GOLGA6L4: variants seen among roughly 807,000 people sequenced by gnomAD.
The protein encoded by GOLGA6L4 is golgin subfamily A member 6-like protein 4.
GOLGA6L4 carries 1 observed loss-of-function variant against 17.6 expected under a neutral mutation model. The ratio of observed to expected loss-of-function variants is 0.06; its 90% confidence interval spans 0.02 to 0.27. The LOEUF (loss-of-function observed/expected upper bound fraction) is 0.27, where lower values mean the gene tolerates loss of function less well. Ranked by LOEUF, GOLGA6L4 falls within the 10% of genes least tolerant of loss-of-function variation. The pLI is 1.00. For synonymous variants in GOLGA6L4, 1 was observed against 73.2 expected, an observed-to-expected ratio of 0.01 and a Z score of 5.04; for missense variants, 14 against 172.2, an observed-to-expected ratio of 0.08 and a Z score of 5.14.
At position 84,240,681 on chromosome 15, in the gene GOLGA6L4, C is replaced by G; in HGVS notation, c.1327C>G (p.Arg443Gly). The G allele has an allele frequency of 3.4e-6, 3 of 872,780 alleles. No individual in the cohort carries two copies. Among genetic ancestry groups the G allele is most frequent in the African/African-American group, 1.8e-5 (1 of 55,820 alleles). The allele number at this position is 872,780 out of a possible 1,614,324, so 54.1% of individuals were successfully genotyped here. A position where few individuals can be genotyped will look rare whatever the true frequency, so the allele number is the denominator to read the frequency against. ...GACTCTGCAGGAGCTGGAGAGGCTG[C>G]GGGAGCTGGAGAGGCTGCGGGAGCT... is the stretch of plus-strand genomic sequence containing the variant. ...QETLQELERL[R>G]ELERLRELER... Residue 443 changes from arginine (R) to glycine (G), a missense_variant, in exon 6 of 9, where the codon CGG becomes GGG. Transcript: ENST00000510439.
rs2069674863 is a variant in GOLGA6L4 at position 84,243,449 on chromosome 15, C to CT, written c.*863dup. The CT allele has an allele frequency of 1.7e-5, 1 of 58,314 alleles. No homozygotes were observed. Among genetic ancestry groups the CT allele is most frequent in the Non-Finnish European group, 4.5e-5 (1 of 22,176 alleles). The allele number at this position is 58,314 out of a possible 1,614,324, so 3.6% of individuals were successfully genotyped here. Reference sequence around the variant, plus strand: ...CCTCATGAGCTGTGGCAGTTGTACTCTTTTTTGATGACCTGAAAAGGGATT... The same window carrying CT: ...CCTCATGAGCTGTGGCAGTTGTACTCTTTTTTTGATGACCTGAAAAGGGATT... On this transcript the variant is annotated 3_prime_UTR_variant, in exon 9 of 9. Transcript: ENST00000510439.
At position 84,245,071 on chromosome 15, in the gene GOLGA6L4, CA is replaced by C. The variant is rs1488385340; in HGVS notation, c.*2484del. ...TTACAGTCACTTTCAAATAACTATT[CA>C]AAAATGTAACTGCTATATTAACGTC... On this transcript the variant is annotated 3_prime_UTR_variant, in exon 9 of 9. Transcript: ENST00000510439. 2.4e-5 allele frequency: 1 copy of C among 41,818 alleles called. No individual in the cohort carries two copies. Among genetic ancestry groups the C allele is most frequent in the Non-Finnish European group, 6.0e-5 (1 of 16,590 alleles). 2.6% of individuals were successfully genotyped at this position (41,818 alleles called of 1,614,324 possible). A position where few individuals can be genotyped will look rare whatever the true frequency, so the allele number is the denominator to read the frequency against.
At position 84,240,198 on chromosome 15, in the gene GOLGA6L4, G is replaced by T. The variant is rs1267453312; in HGVS notation, c.844G>T (p.Glu282Ter). 1.7e-6 allele frequency: 1 copy of T among 604,550 alleles called. No individual in the cohort carries two copies. Among genetic ancestry groups the T allele is most frequent in the Admixed American group, 3.1e-5 (1 of 31,878 alleles). 37.4% of individuals were successfully genotyped at this position (604,550 alleles called of 1,614,324 possible). A position where few individuals can be genotyped will look rare whatever the true frequency, so the allele number is the denominator to read the frequency against. ...HEQEERLREQ[E>*]ERLCEQEERL... ...ACAGGAGGAGAGGCTACGTGAACAG[G>T]AGGAGAGGCTGTGTGAACAGGAGGA... is the stretch of plus-strand genomic sequence containing the variant. Residue 282 changes from glutamate (E) to a stop codon, truncating the protein, a stop_gained, in exon 6 of 9, where the codon GAG (glutamate) becomes TAG (stop). Transcript: ENST00000510439. LOFTEE classifies it high-confidence loss of function.
chr15:84,245,114 CA>C lies in GOLGA6L4; in HGVS notation c.*2523del, dbSNP rs2069687677. On this transcript the variant is annotated 3_prime_UTR_variant, in exon 9 of 9. Transcript: ENST00000510439. ...ATTAACGTCTTAAAATAATTTAAAACATTTTAAAATATGAATACTGTAGTTT... is the reference window on the plus strand; with the variant it reads ...ATTAACGTCTTAAAATAATTTAAAACTTTTAAAATATGAATACTGTAGTTT... 1 of 52,266 alleles carries C rather than the reference CA, an allele frequency of 1.9e-5. No homozygotes were observed. The highest frequency in any genetic ancestry group is 4.7e-5 in the Non-Finnish European group (1 of 21,174). The allele number at this position is 52,266 out of a possible 1,614,324, so 3.2% of individuals were successfully genotyped here.
chr15:84,240,623 T>C lies in GOLGA6L4; in HGVS notation c.1269T>C (p.Leu423=). 1 of 906,308 alleles carries C rather than the reference T, an allele frequency of 1.1e-6. No individual in the cohort carries two copies. The allele number at this position is 906,308 out of a possible 1,614,324, so 56.1% of individuals were successfully genotyped here. ...EVEELLEQER[L]RQQDERLWQQ... ...AGGAGCTCCTGGAGCAGGAGAGGCTTCGGCAACAGGATGAGAGGCTGTGGC... is the reference window on the plus strand; with the variant it reads ...AGGAGCTCCTGGAGCAGGAGAGGCTCCGGCAACAGGATGAGAGGCTGTGGC... The change falls in exon 6 of 9, where the codon CTT becomes CTC. Residue 423 remains leucine, a synonymous_variant. Coordinates refer to ENST00000510439, the MANE Select transcript of GOLGA6L4 (RefSeq NM_001267536.3).
Position 84,235,937 on chromosome 15 carries a change from T to C in GOLGA6L4, c.84+19T>C. On this transcript the variant is annotated intron_variant, in intron 1 of 8. Coordinates refer to ENST00000510439, the MANE Select transcript of GOLGA6L4 (RefSeq NM_001267536.3). Reference sequence around the variant, plus strand: ...GAAAAAGGTAAAACACACCAGGTCATGGCCCCCAACCCAGCCACAGATCCC... The same window carrying C: ...GAAAAAGGTAAAACACACCAGGTCACGGCCCCCAACCCAGCCACAGATCCC... The C allele has an allele frequency of 3.3e-6, 1 of 299,444 alleles. No homozygotes were observed. The highest frequency in any genetic ancestry group is 1.4e-3 in the Middle Eastern group (1 of 694). 18.5% of individuals were successfully genotyped at this position (299,444 alleles called of 1,614,324 possible).
chr15:84,244,215 C>T lies in GOLGA6L4; in HGVS notation c.*1623C>T, dbSNP rs1292877537. 35 of 86,500 alleles carry T rather than the reference C, an allele frequency of 4.0e-4. No homozygotes were observed. Among genetic ancestry groups the T allele is most frequent in the African/African-American group, 1.4e-3 (32 of 23,600 alleles). 5.4% of individuals were successfully genotyped at this position (86,500 alleles called of 1,614,324 possible). On this transcript the variant is annotated 3_prime_UTR_variant, in exon 9 of 9. Transcript: ENST00000510439. ...CTTAAAATGGACTAAAGGTCCTGTT[C>T]TTGCCTTGTCTGAACTTGCCGCTTT...
At chr15:84,240,844 ACCTGT>A (rs2069647004) in intron 6 of GOLGA6L4, 62 bp downstream of exon 6, 1 of 420,254 alleles carries the variant, frequency 2.4e-6, no homozygotes, top group Non-Finnish European at 4.4e-6. Context: ...TTGTTTCCCC[ACCTGT>A]AAAATGGGGC....
chr15:84,240,810 C>CT, intron 6 of GOLGA6L4, 28 bp downstream of exon 6: 1 of 412,022 alleles, frequency 2.4e-6, no homozygotes, highest in South Asian at 2.1e-5. Flanking sequence ...GGGAGGCTGC[C>CT]CTCTTCCCTA....
rs749880221 is a variant in GOLGA6L4 at position 84,240,666 on chromosome 15, G to C, written c.1312G>C (p.Glu438Gln). 5.7e-6 allele frequency: 5 copies of C among 884,042 alleles called. 1 individual carries two copies. The South Asian group carries it at 7.3e-5, about 13-fold the overall frequency. The allele number at this position is 884,042 out of a possible 1,614,324, so 54.8% of individuals were successfully genotyped here. ...ERLWQQETLQ[E>Q]LERLRELERL... Reference sequence around the variant, plus strand: ...GCTGTGGCAGCAGGAGACTCTGCAGGAGCTGGAGAGGCTGCGGGAGCTGGA... The same window carrying C: ...GCTGTGGCAGCAGGAGACTCTGCAGCAGCTGGAGAGGCTGCGGGAGCTGGA... Residue 438 changes from glutamate (E) to glutamine (Q), a missense_variant, in exon 6 of 9, where the codon GAG becomes CAG. Transcript: ENST00000510439.
At position 84,240,659 on chromosome 15, in the gene GOLGA6L4, T is replaced by TCTACAGGAGCTGGAGAGG; in HGVS notation, c.1307_1308insACAGGAGCTGGAGAGGCT (p.Gln437_Leu442dup). 1.1e-6 allele frequency: 1 copy of TCTACAGGAGCTGGAGAGG among 870,484 alleles called. No individual in the cohort carries two copies. The allele number at this position is 870,484 out of a possible 1,614,324, so 53.9% of individuals were successfully genotyped here. On this transcript the variant is annotated inframe_insertion, in exon 6 of 9. Coordinates refer to ENST00000510439, the MANE Select transcript of GOLGA6L4 (RefSeq NM_001267536.3). ...ATGAGAGGCTGTGGCAGCAGGAGAC[T>TCTACAGGAGCTGGAGAGG]CTGCAGGAGCTGGAGAGGCTGCGGG...
chr15:84,240,216 CAGG>C lies in GOLGA6L4; in HGVS notation c.868_870del (p.Glu290del), dbSNP rs2069629553. 1 of 602,718 alleles carries C rather than the reference CAGG, an allele frequency of 1.7e-6. No individual in the cohort carries two copies. Among genetic ancestry groups the C allele is most frequent in the Non-Finnish European group, 2.9e-6 (1 of 347,390 alleles). The allele number at this position is 602,718 out of a possible 1,614,324, so 37.3% of individuals were successfully genotyped here. A position where few individuals can be genotyped will look rare whatever the true frequency, so the allele number is the denominator to read the frequency against. ...TGAACAGGAGGAGAGGCTGTGTGAA[CAGG>C]AGGAGAGGCTACGTGAACAGGAGGA... On this transcript the variant is annotated inframe_deletion, in exon 6 of 9. Transcript: ENST00000510439.
chr15:84,239,964 CAGG>C lies in GOLGA6L4; in HGVS notation c.616_618del (p.Glu206del). The stretch of plus-strand genomic sequence containing the variant: ...GAGACAGGAGGAGAGGCTACGTGAA[CAGG>C]AGGAGAGGCTACGTGAACAGGAGGA... On this transcript the variant is annotated inframe_deletion, in exon 6 of 9. Transcript: ENST00000510439. 1 of 599,448 alleles carries C rather than the reference CAGG, an allele frequency of 1.7e-6. No homozygotes were observed. Among genetic ancestry groups the C allele is most frequent in the South Asian group, 2.1e-5 (1 of 47,512 alleles). 37.1% of individuals were successfully genotyped at this position (599,448 alleles called of 1,614,324 possible).
Position 84,239,336 on chromosome 15 carries a change from GAGA to G in GOLGA6L4, c.370_372del (p.Lys124del). ...TGGGCAGGTTCGCACATCTAAGGAG[GAGA>G]AGAAGCATGAGATACATCTGGTACA... On this transcript the variant is annotated inframe_deletion, in exon 5 of 9. Coordinates refer to ENST00000510439, the MANE Select transcript of GOLGA6L4 (RefSeq NM_001267536.3). 1 of 528,186 alleles carries G rather than the reference GAGA, an allele frequency of 1.9e-6. No homozygotes were observed. The highest frequency in any genetic ancestry group is 3.3e-6 in the Non-Finnish European group (1 of 300,098). 32.7% of individuals were successfully genotyped at this position (528,186 alleles called of 1,614,324 possible).
chr15:84,245,020 CATA>C lies in GOLGA6L4; in HGVS notation c.*2432_*2434del, dbSNP rs2069686933. On this transcript the variant is annotated 3_prime_UTR_variant, in exon 9 of 9. Coordinates refer to ENST00000510439, the MANE Select transcript of GOLGA6L4 (RefSeq NM_001267536.3). ...TGTGAAAATGTAAATCAACCCTATC[CATA>C]ATAGATTCTCTAAAACTTTATCTTA... 1 of 24,338 alleles carries C rather than the reference CATA, an allele frequency of 4.1e-5. No homozygotes were observed. The highest frequency in any genetic ancestry group is 1.2e-4 in the Non-Finnish European group (1 of 8,658). The allele number at this position is 24,338 out of a possible 1,614,324, so 1.5% of individuals were successfully genotyped here. A position where few individuals can be genotyped will look rare whatever the true frequency, so the allele number is the denominator to read the frequency against.
At chr15:84,241,320 A>ACAT (rs3984800) in intron 7 of GOLGA6L4, 1 of 1,710 alleles carries the variant, frequency 5.8e-4, no homozygotes, top group Non-Finnish European at 1.5e-3. Context: ...CCAGGTCTGG[A>ACAT]CATCATCATC....
At chr15:84,239,262 C>T in intron 4 of GOLGA6L4, 56 bp from the exon 5 acceptor site, 2 of 436,392 alleles carry the variant, frequency 4.6e-6, no homozygotes, top group Non-Finnish European at 4.4e-6. Context: ...AACTCTGTCT[C>T]TGGAGGTTCA....
Position 84,240,744 on chromosome 15 carries a change from G to C in GOLGA6L4, c.1390G>C (p.Glu464Gln). The C allele has an allele frequency of 1.4e-6, 1 of 722,612 alleles. No homozygotes were observed. Among genetic ancestry groups the C allele is most frequent in the Non-Finnish European group, 2.2e-6 (1 of 462,882 alleles). 44.8% of individuals were successfully genotyped at this position (722,612 alleles called of 1,614,324 possible). The change falls in exon 6 of 9, where the codon GAG becomes CAG. Residue 464 changes from glutamate (E) to glutamine (Q), a missense_variant. Glu to Gln is a conservative substitution (Grantham distance 29). Transcript: ENST00000510439. ...GGAGCTGGGGTGGGAAGCCCTGTAC[G>C]AGCAGCGGGCCGAGCCACGCAGCGG... ...MLELGWEALY[E>Q]QRAEPRSGFE...
rs1361065433 is a variant in GOLGA6L4, at chr15:84,239,372, GGGA to G, written c.405_407del (p.Arg135del). 16 of 582,846 alleles carry G rather than the reference GGGA, an allele frequency of 2.7e-5. No homozygotes were observed. In the South Asian group the frequency reaches 2.8e-4, roughly 10 times the overall value. The allele number at this position is 582,846 out of a possible 1,614,324, so 36.1% of individuals were successfully genotyped here. A position where few individuals can be genotyped will look rare whatever the true frequency, so the allele number is the denominator to read the frequency against. On this transcript the variant is annotated inframe_deletion, in exon 5 of 9. Transcript: ENST00000510439. ...TGAGATACATCTGGTACAGAAGCTT[GGGA>G]GGAGCTTGTTCAAACTCAAAAACCA... is the stretch of plus-strand genomic sequence containing the variant.
Sources: gnomAD v4.1 joint callset for allele counts on GRCh38, gnomAD v4.1.1 for gene constraint, MANE v1.5 for transcripts, NCBI Gene and HGNC (gene_info 2026-07-23, HGNC 2026-07-21) for gene names.